Variants in ITGA8 observed in about 807,000 individuals in gnomAD.
ITGA8 encodes integrin alpha-8.
In ITGA8, 91 loss-of-function variants were observed where a neutral mutation model predicts 142.3. The ratio of observed to expected loss-of-function variants is 0.64; its 90% CI spans 0.54 to 0.76. The LOEUF is 0.76. Among genes scored for constraint, ITGA8 ranks in the 30% least tolerant of loss-of-function variants. The pLI, the probability that ITGA8 is intolerant of heterozygous loss-of-function variation, is 0.00. For missense variants in ITGA8, 1,406 were observed against 1,327.7 expected (o/e 1.06, Z -0.92); for synonymous variants, 505 against 485.2 (o/e 1.04, Z -0.54).
rs1834682778 is a variant in ITGA8, at chr10:15,678,848, A to G, written c.569-65T>C. On this transcript the variant is annotated intron_variant, in intron 4 of 29. Coordinates refer to ENST00000378076, the MANE Select transcript of ITGA8 (RefSeq NM_003638.3). Reference sequence around the variant, plus strand: ...TTCCTGAAATATTTTTTAATAACCAATTCAGGATATTATGTTATTTTCTCT... The same window carrying G: ...TTCCTGAAATATTTTTTAATAACCAGTTCAGGATATTATGTTATTTTCTCT... 1.9e-5 allele frequency: 18 copies of G among 958,744 alleles called. No homozygotes were observed. In the East Asian group the frequency reaches 3.8e-4, roughly 20 times the overall value. 59.4% of individuals were successfully genotyped at this position (958,744 alleles called of 1,614,324 possible). A position where few individuals can be genotyped will look rare whatever the true frequency, so the allele number is the denominator to read the frequency against.
At chr10:15,616,364 G>A (rs968783879) in intron 14 of ITGA8, 150 bp downstream of exon 14, 6 of 657,966 alleles carry the variant, frequency 9.1e-6, no homozygotes, top group Non-Finnish European at 1.6e-5. Context: ...AGGAAAGAAA[G>A]AGTGAGAGCA....
rs1832952020 is a variant in ITGA8, at chr10:15,515,651, G to A, written c.*1507C>T. On this transcript the variant is annotated 3_prime_UTR_variant, in exon 30 of 30. Transcript: ENST00000378076. ...AGTGTAAACATGCTTCAGATACATA[G>A]GTCTATAAAATATTGCACATAAAAA... The A allele has an allele frequency of 6.6e-6, 1 of 151,408 alleles. No homozygotes were observed. Among genetic ancestry groups the A allele is most frequent in the African/African-American group, 2.4e-5 (1 of 41,122 alleles). 9.4% of individuals were successfully genotyped at this position (151,408 alleles called of 1,614,324 possible).
Position 15,556,889 on chromosome 10 carries a change from T to C in ITGA8, c.2766+1185A>G, listed in dbSNP as rs377256624. 3.6e-4 allele frequency among the ~76,000 whole-genome samples: 55 copies of C among 152,366 alleles called. 1 individual carries two copies. The highest frequency in any genetic ancestry group is 6.8e-3 in the Middle Eastern group (2 of 294). ...AGAAGGGTATTAGCTTCTGAGGTGA[T>C]CTCTGATTACTTCTGCATAGCTGGA... On this transcript the variant is annotated intron_variant, in intron 26 of 29. Transcript: ENST00000378076.
intron 22 of ITGA8, among the ~76,000 whole-genome samples, chr10:15,589,955 G>T (rs1832898146): frequency 6.6e-6 from 1 of 152,050 alleles, no homozygotes; most frequent in Non-Finnish European, 1.5e-5. Context: ...TAGAGAAAAG[G>T]TTTCACCATG....
chr10:15,719,832 C>CA lies in ITGA8; in HGVS notation c.-62dup. The stretch of plus-strand genomic sequence containing the variant: ...GCGCGAGCCGAGGACCCCTGCGGGG[C>CA]AAGGGGGGCTGGTGGAATCTGGCGG... On this transcript the variant is annotated 5_prime_UTR_variant, in exon 1 of 30. Coordinates refer to ENST00000378076, the MANE Select transcript of ITGA8 (RefSeq NM_003638.3). The CA allele has an allele frequency of 2.5e-6, 3 of 1,212,118 alleles. No individual in the cohort carries two copies. Among genetic ancestry groups the CA allele is most frequent in the Non-Finnish European group, 3.2e-6 (3 of 951,450 alleles). The allele number at this position is 1,212,118 out of a possible 1,614,324, so 75.1% of individuals were successfully genotyped here.
At chr10:15,704,110 A>T (rs1306815960) in intron 2 of ITGA8, among the ~76,000 whole-genome samples, 1 of 152,184 alleles carries the variant, frequency 6.6e-6, no homozygotes, top group Non-Finnish European at 1.5e-5. Flanking sequence ...CCATATTTCA[A>T]TGAGTCATCA....
intron 2 of ITGA8, 82 bp downstream of exon 2, chr10:15,718,684 A>C (rs1835498713): frequency 6.4e-7 from 1 of 1,557,388 alleles, no homozygotes. Flanking sequence ...GCAGCACACC[A>C]AGACAGCGGG....
chr10:15,587,928 C>G (rs1025948000), intron 22 of ITGA8, among the ~76,000 whole-genome samples: 6 of 152,112 alleles, frequency 3.9e-5, no homozygotes, highest in African/African-American at 1.4e-4. Context: ...GAGGTAGCTT[C>G]CATCTGAATT....
At chr10:15,600,991 G>A (rs1833094361) in intron 20 of ITGA8, among the ~76,000 whole-genome samples, 1 of 152,216 alleles carries the variant, frequency 6.6e-6, no homozygotes, top group Admixed American at 6.5e-5. Context: ...TGTAATCTCA[G>A]CACTTTGGGA....
chr10:15,609,445 T>G (rs1344256517), intron 15 of ITGA8, among the ~76,000 whole-genome samples: 4 of 152,196 alleles, frequency 2.6e-5, no homozygotes, highest in African/African-American at 9.7e-5. Context: ...AATGAAAAAG[T>G]GTCACATCTG....
chr10:15,547,252 C>T (rs1235647216), intron 27 of ITGA8, among the ~76,000 whole-genome samples: 4 of 152,180 alleles, frequency 2.6e-5, no homozygotes, highest in Admixed American at 6.5e-5. Context: ...ATTTTCTTAG[C>T]ATAAAAGAGA....
chr10:15,599,142 G>T (rs975176745), intron 20 of ITGA8, among the ~76,000 whole-genome samples: 49 of 151,602 alleles, frequency 3.2e-4, no homozygotes, highest in African/African-American at 1.1e-3. Flanking sequence ...TTTTTCCCCA[G>T]TTTTCTGGAA....
intron 25 of ITGA8, among the ~76,000 whole-genome samples, chr10:15,566,922 C>G (rs1834091073): frequency 1.4e-5 from 2 of 146,176 alleles, no homozygotes; most frequent in South Asian, 4.3e-4. Flanking sequence ...CACCCGGCCT[C>G]TGAGGAGGGC....
At chr10:15,575,361 G>T in intron 24 of ITGA8, 128 bp downstream of exon 24, 1 of 697,682 alleles carries the variant, frequency 1.4e-6, no homozygotes, top group Non-Finnish European at 2.5e-6. Context: ...CTGCACTCCA[G>T]CCTGGGAGAC....
chr10:15,679,601 A>C (rs1229828113), intron 4 of ITGA8, among the ~76,000 whole-genome samples: 1 of 152,180 alleles, frequency 6.6e-6, no homozygotes, highest in Non-Finnish European at 1.5e-5. Context: ...AATAATAAAA[A>C]CAAATTATCC....
At chr10:15,547,526 C>T (rs958523759) in intron 27 of ITGA8, among the ~76,000 whole-genome samples, 10 of 152,134 alleles carry the variant, frequency 6.6e-5, no homozygotes, top group Non-Finnish European at 1.2e-4. Flanking sequence ...GAGTCAAGAT[C>T]GCACTACTGC....
At chr10:15,662,871 A>G (rs10508492) in intron 8 of ITGA8, among the ~76,000 whole-genome samples, 14,904 of 152,196 alleles carry the variant, frequency 0.098, 933 homozygotes, top group East Asian at 0.29. Context: ...ATTGGTTAGG[A>G]ACAGATTACT....
intron 22 of ITGA8, among the ~76,000 whole-genome samples, chr10:15,589,033 G>A (rs1479843994): frequency 1.3e-5 from 2 of 152,164 alleles, no homozygotes; most frequent in East Asian, 1.9e-4. Flanking sequence ...TGAAAGGAAA[G>A]CTCCCTCACT....
chr10:15,526,540 G>A (rs1689764577), intron 28 of ITGA8, among the ~76,000 whole-genome samples: 1 of 152,160 alleles, frequency 6.6e-6, no homozygotes, highest in Admixed American at 6.5e-5. Context: ...TTTAGGACTA[G>A]AGGTTTACTT....
Sources: allele counts gnomAD v4.1 joint callset (sites outside exome capture counted in the v4.1 genomes callset), GRCh38; gene constraint gnomAD v4.1.1; transcripts MANE v1.5; gene names NCBI Gene and HGNC (gene_info 2026-07-23, HGNC 2026-07-21).